Variants in KCNB2 observed in about 807,000 individuals in gnomAD.
The protein encoded by KCNB2 is potassium voltage-gated channel subfamily B member 2.
Under a neutral mutation model 61.5 loss-of-function variants are expected in KCNB2, and 15 were observed. The observed-to-expected ratio is 0.24, with a 90% confidence interval of 0.16 to 0.38. The LOEUF is 0.38. Ranked by LOEUF, KCNB2 falls within the 10% of genes least tolerant of loss-of-function variation. KCNB2 has a pLI of 1.00. For synonymous variants in KCNB2, 457 were observed against 446.0 expected (o/e 1.02, Z -0.31); for missense variants, 828 against 1,125.2 (o/e 0.74, Z 3.78).
At chr8:72,862,420 C>G (rs964221689) in intron 2 of KCNB2, among the ~76,000 whole-genome samples, 33 of 152,118 alleles carry the variant, frequency 2.2e-4, no homozygotes, top group African/African-American at 8.0e-4. Context: ...ACTGTATAGT[C>G]CATTCCTTTC....
chr8:72,826,464 A>T (rs936743662), intron 2 of KCNB2, among the ~76,000 whole-genome samples: 1 of 152,174 alleles, frequency 6.6e-6, no homozygotes, highest in Non-Finnish European at 1.5e-5. Context: ...GCTGCGGGGG[A>T]TAAGAATAGT....
At chr8:72,774,288 A>G (rs1349762076) in intron 2 of KCNB2, among the ~76,000 whole-genome samples, 1 of 152,150 alleles carries the variant, frequency 6.6e-6, no homozygotes, top group African/African-American at 2.4e-5. Flanking sequence ...ACCAAAGGAG[A>G]ATATTTCTAC....
intron 2 of KCNB2, among the ~76,000 whole-genome samples, chr8:72,888,633 G>A (rs1805845711): frequency 6.6e-6 from 1 of 152,090 alleles, no homozygotes; most frequent in Non-Finnish European, 1.5e-5. Context: ...ATTATATTCA[G>A]TACTTTGCCA....
intron 1 of KCNB2, among the ~76,000 whole-genome samples, chr8:72,545,104 T>C (rs349353): frequency 0.87 from 132,636 of 152,162 alleles, 58,174 homozygotes; most frequent in African/African-American, 0.96. Context: ...AAACCTCAAC[T>C]CCAGAAAACA....
intron 2 of KCNB2, among the ~76,000 whole-genome samples, chr8:72,710,619 T>G (rs911165801): frequency 5.4e-4 from 82 of 152,288 alleles, no homozygotes; most frequent in African/African-American, 2.0e-3. Flanking sequence ...GACTTACCAG[T>G]GGCCTGGCTA....
intron 2 of KCNB2, among the ~76,000 whole-genome samples, chr8:72,932,151 T>G (rs1323783102): frequency 1.3e-5 from 2 of 152,074 alleles, no homozygotes; most frequent in Admixed American, 1.3e-4. Flanking sequence ...AATAATGAAA[T>G]GCAGAGGAAC....
At chr8:72,932,265 C>T (rs1190758730) in intron 2 of KCNB2, among the ~76,000 whole-genome samples, 1 of 152,160 alleles carries the variant, frequency 6.6e-6, no homozygotes, top group African/African-American at 2.4e-5. Context: ...GCTTATATAC[C>T]TTCTAAGCTA....
intron 2 of KCNB2, among the ~76,000 whole-genome samples, chr8:72,759,147 C>T (rs1406580964): frequency 1.3e-5 from 2 of 151,994 alleles, no homozygotes; most frequent in Non-Finnish European, 2.9e-5. Flanking sequence ...AAGAACCTTG[C>T]TTATTTTAAT....
intron 2 of KCNB2, among the ~76,000 whole-genome samples, chr8:72,922,380 A>C (rs991285541): frequency 6.6e-6 from 1 of 152,232 alleles, no homozygotes; most frequent in African/African-American, 2.4e-5. Flanking sequence ...AATTCTGGAG[A>C]GATGCCATTT....
At chr8:72,673,433 A>G (rs987319263) in intron 2 of KCNB2, among the ~76,000 whole-genome samples, 21 of 152,076 alleles carry the variant, frequency 1.4e-4, no homozygotes, top group African/African-American at 4.8e-4. Context: ...GAAGAAAAAC[A>G]TGTTTGTTTT....
intron 2 of KCNB2, among the ~76,000 whole-genome samples, chr8:72,864,875 T>C (rs1805490697): frequency 6.6e-6 from 1 of 152,170 alleles, no homozygotes; most frequent in East Asian, 1.9e-4. Flanking sequence ...TCAGAAGGGA[T>C]TCTGTTTGGT....
chr8:72,776,007 T>C (rs1190867225), intron 2 of KCNB2, among the ~76,000 whole-genome samples: 4 of 152,070 alleles, frequency 2.6e-5, no homozygotes, highest in Non-Finnish European at 5.9e-5. Context: ...AACCTAAATG[T>C]CCATCAGTGA....
intron 2 of KCNB2, among the ~76,000 whole-genome samples, chr8:72,899,538 A>G (rs1426544951): frequency 6.6e-6 from 1 of 152,240 alleles, no homozygotes; most frequent in African/African-American, 2.4e-5. Flanking sequence ...GTTTCAGGAT[A>G]TCAAATCAAT....
intron 2 of KCNB2, among the ~76,000 whole-genome samples, chr8:72,619,920 G>T (rs1175867248): frequency 6.6e-6 from 1 of 152,128 alleles, no homozygotes; most frequent in Non-Finnish European, 1.5e-5. Flanking sequence ...GGTAACTACT[G>T]AACTCTTCAA....
intron 2 of KCNB2, among the ~76,000 whole-genome samples, chr8:72,708,442 T>A (rs1469452668): frequency 2.0e-5 from 3 of 152,196 alleles, no homozygotes; most frequent in Non-Finnish European, 2.9e-5. Flanking sequence ...CCTAGTACAA[T>A]AAGGAATCAA....
At chr8:72,554,148 A>C (rs1806386032) in intron 1 of KCNB2, among the ~76,000 whole-genome samples, 2 of 152,090 alleles carry the variant, frequency 1.3e-5, no homozygotes, top group Non-Finnish European at 2.9e-5. Flanking sequence ...GGCCTACAAA[A>C]CGCATGCTAG....
chr8:72,917,211 A>C (rs965974579), intron 2 of KCNB2, among the ~76,000 whole-genome samples: 4 of 152,216 alleles, frequency 2.6e-5, no homozygotes, highest in Non-Finnish European at 5.9e-5. Context: ...GAAATGATTT[A>C]AAGAGTGAAT....
chr8:72,883,044 C>T (rs1436766998), intron 2 of KCNB2, among the ~76,000 whole-genome samples: 1 of 152,146 alleles, frequency 6.6e-6, no homozygotes, highest in Non-Finnish European at 1.5e-5. Context: ...GATTATTTAC[C>T]CTCCTGGTCC....
At chr8:72,650,361 T>G (rs888208008) in intron 2 of KCNB2, among the ~76,000 whole-genome samples, 2 of 152,154 alleles carry the variant, frequency 1.3e-5, no homozygotes, top group African/African-American at 4.8e-5. Flanking sequence ...GCCACCTTTT[T>G]CTAATAGTTT....
Sources: gnomAD v4.1 joint callset for allele counts (sites outside exome capture counted in the v4.1 genomes callset) on GRCh38, gnomAD v4.1.1 for gene constraint, MANE v1.5 for transcripts, NCBI Gene and HGNC (gene_info 2026-07-23, HGNC 2026-07-21) for gene names.